Variants in MYRIP observed in about 807,000 individuals in gnomAD.
The protein encoded by MYRIP is myosin VIIA and Rab interacting protein.
MYRIP carries 49 observed loss-of-function variants against 98.0 expected under a neutral mutation model. That is an observed-to-expected ratio of 0.50 (90% CI 0.40 to 0.63). The LOEUF is 0.63. Among genes scored for constraint, MYRIP ranks in the 30% least tolerant of loss-of-function variants. The pLI is 0.00. For missense variants in MYRIP, 1,004 were observed against 1,058.2 expected (o/e 0.95, Z 0.71); for synonymous variants, 404 against 409.5 (o/e 0.99, Z 0.16).
At chr3:40,172,431 C>T (rs376561631) in intron 8 of MYRIP, among the ~76,000 whole-genome samples, 1 of 152,028 alleles carries the variant, frequency 6.6e-6, no homozygotes, top group South Asian at 2.1e-4. Context: ...AGGCTCTAAG[C>T]GGGAAGGAAC....
intron 2 of MYRIP, among the ~76,000 whole-genome samples, chr3:39,928,100 T>C (rs9861694): frequency 0.37 from 56,121 of 151,724 alleles, 10,692 homozygotes; most frequent in East Asian, 0.45. Flanking sequence ...ATTTCAGTTT[T>C]TTGAAAGTAT....
chr3:39,958,023 TAA>T (rs1945213802), intron 2 of MYRIP, among the ~76,000 whole-genome samples: 1 of 152,060 alleles, frequency 6.6e-6, no homozygotes, highest in Admixed American at 6.5e-5. Context: ...CTCCACGAAA[TAA>T]AAGAGGATAC....
intron 13 of MYRIP, 25 bp from the exon 14 acceptor site, chr3:40,250,197 A>C: frequency 3.3e-4 from 512 of 1,558,658 alleles, no homozygotes; most frequent in Non-Finnish European, 4.1e-4. Flanking sequence ...TCTCCCTGCC[A>C]ATCTTGTCTT....
intron 1 of MYRIP, among the ~76,000 whole-genome samples, chr3:39,862,773 C>T (rs1440003344): frequency 2.0e-5 from 3 of 152,182 alleles, no homozygotes; most frequent in Non-Finnish European, 4.4e-5. Flanking sequence ...GAACTTGACA[C>T]TTGACCAAAT....
rs368690551 is a variant in MYRIP at position 40,258,208 on chromosome 3, G to A, written c.*42G>A. ...TGCCAGTGACCCACTGCCTCCGGCC[G>A]TACACGACAGTGCCTTGACCCAACA... is the stretch of plus-strand genomic sequence containing the variant. On this transcript the variant is annotated 3_prime_UTR_variant, in exon 17 of 17. Coordinates refer to ENST00000302541, the MANE Select transcript of MYRIP (RefSeq NM_015460.4). The A allele has an allele frequency of 5.6e-5, 91 of 1,611,910 alleles. No individual in the cohort carries two copies. The highest frequency in any genetic ancestry group is 2.8e-4 in the Admixed American group (17 of 59,996).
chr3:40,145,864 G>T (rs1229931743), intron 3 of MYRIP, among the ~76,000 whole-genome samples: 1 of 152,170 alleles, frequency 6.6e-6, no homozygotes, highest in African/African-American at 2.4e-5. Context: ...CATGGGAGAA[G>T]ACTTCAACAA....
intron 2 of MYRIP, among the ~76,000 whole-genome samples, chr3:39,923,711 A>C (rs1311367770): frequency 2.6e-5 from 4 of 152,158 alleles, no homozygotes; most frequent in Non-Finnish European, 4.4e-5. Flanking sequence ...GCAAGCAAAA[A>C]TATTGATAAA....
chr3:39,831,358 A>G (rs1941439758), intron 1 of MYRIP, among the ~76,000 whole-genome samples: 1 of 152,132 alleles, frequency 6.6e-6, no homozygotes, highest in Admixed American at 6.6e-5. Context: ...TGCAATAAAT[A>G]TCTCCAAATC....
At chr3:40,034,422 A>C (rs972301246) in intron 2 of MYRIP, among the ~76,000 whole-genome samples, 2 of 152,184 alleles carry the variant, frequency 1.3e-5, no homozygotes, top group Non-Finnish European at 2.9e-5. Context: ...GGATATGAAC[A>C]GACACTTCTC....
At chr3:40,143,320 C>T (rs549202559) in intron 3 of MYRIP, among the ~76,000 whole-genome samples, 5 of 152,314 alleles carry the variant, frequency 3.3e-5, no homozygotes, top group African/African-American at 9.6e-5. Flanking sequence ...CTAGCCTTGC[C>T]TGCAGTTGTG....
chr3:40,033,283 C>T (rs1232944068), intron 2 of MYRIP, among the ~76,000 whole-genome samples: 2 of 150,532 alleles, frequency 1.3e-5, no homozygotes, highest in African/African-American at 4.9e-5. Flanking sequence ...TCAAATTGTC[C>T]CTGTTTGCAG....
chr3:40,116,160 C>A (rs1422393826), intron 3 of MYRIP, among the ~76,000 whole-genome samples: 1 of 152,214 alleles, frequency 6.6e-6, no homozygotes, highest in African/African-American at 2.4e-5. Context: ...TGCTTGATCC[C>A]TGGATGGGGG....
At chr3:40,069,092 A>C (rs1310476781) in intron 3 of MYRIP, among the ~76,000 whole-genome samples, 1 of 152,198 alleles carries the variant, frequency 6.6e-6, no homozygotes, top group African/African-American at 2.4e-5. Context: ...ATAAATGAGT[A>C]GATTGGTAGC....
At chr3:40,218,186 A>C (rs1006718665) in intron 11 of MYRIP, among the ~76,000 whole-genome samples, 1 of 151,554 alleles carries the variant, frequency 6.6e-6, no homozygotes, top group African/African-American at 2.4e-5. Flanking sequence ...GACACACACA[A>C]AAAACATTCA....
intron 2 of MYRIP, among the ~76,000 whole-genome samples, chr3:40,031,666 G>C (rs912709250): frequency 2.0e-5 from 3 of 152,252 alleles, no homozygotes; most frequent in African/African-American, 7.2e-5. Flanking sequence ...TCTCCCATAA[G>C]AAATCAAAAC....
chr3:39,919,179 G>A (rs893329632), intron 2 of MYRIP, among the ~76,000 whole-genome samples: 1 of 152,202 alleles, frequency 6.6e-6, no homozygotes, highest in Admixed American at 6.5e-5. Context: ...CACTTCCCAG[G>A]CTGGTCTGAG....
intron 2 of MYRIP, among the ~76,000 whole-genome samples, chr3:39,909,914 CAG>C (rs997450800): frequency 3.3e-5 from 5 of 151,796 alleles, no homozygotes; most frequent in African/African-American, 7.3e-5. Context: ...TGTTTTGAGA[CAG>C]AGTCTCACTC....
intron 1 of MYRIP, among the ~76,000 whole-genome samples, chr3:39,874,309 T>G (rs1442264493): frequency 6.6e-6 from 1 of 152,000 alleles, no homozygotes; most frequent in African/African-American, 2.4e-5. Flanking sequence ...GACTTCCTCT[T>G]TTCCTAATTG....
Position 40,006,798 on chromosome 3 carries a change from A to G in MYRIP, c.111-37252A>G, listed in dbSNP as rs1946645599. Reference sequence around the variant, plus strand: ...GTTAAGACACAAAGTTGTTGAGCTGAATGGAAAACTGCTGTGGATGTGTTC... The same window carrying G: ...GTTAAGACACAAAGTTGTTGAGCTGGATGGAAAACTGCTGTGGATGTGTTC... On this transcript the variant is annotated intron_variant, in intron 2 of 16. Transcript: ENST00000302541. Among the ~76,000 whole-genome samples, 3 of 152,206 alleles carry G rather than the reference A, an allele frequency of 2.0e-5. No individual in the cohort carries two copies. The South Asian group carries it at 6.2e-4, about 32-fold the overall frequency.
Sources: allele counts gnomAD v4.1 joint callset (sites outside exome capture counted in the v4.1 genomes callset), GRCh38; gene constraint gnomAD v4.1.1; transcripts MANE v1.5; gene names NCBI Gene and HGNC (gene_info 2026-07-23, HGNC 2026-07-21).